Variants in HMGCLL1 observed in about 807,000 individuals in gnomAD.
HMGCLL1 encodes the protein 3-hydroxy-3-methylglutaryl-CoA lyase like 1, also known as 3-hydroxymethyl-3-methylglutaryl-CoA lyase, cytoplasmic.
In HMGCLL1, 36 loss-of-function variants were observed where a neutral mutation model predicts 39.1. That is an observed-to-expected ratio of 0.92 (90% CI 0.71 to 1.22). The LOEUF (loss-of-function observed/expected upper bound fraction) is 1.22. Ranked by LOEUF, HMGCLL1 falls within the 50% of genes most tolerant of loss-of-function variation. HMGCLL1 has a pLI of 0.00. For missense variants in HMGCLL1, 451 were observed against 416.5 expected (o/e 1.08, Z -0.72); for synonymous variants, 149 against 144.0 (o/e 1.03, Z -0.25).
At chr6:55,587,754 C>T in the HMGCLL1 span, among the ~76,000 whole-genome samples, 1 of 152,052 alleles carries the variant, frequency 6.6e-6, no homozygotes, top group African/African-American at 2.4e-5. Flanking sequence ...GGTTGCAATC[C>T]TAGTCTCTGA....
At chr6:55,604,852 A>T in the HMGCLL1 span, among the ~76,000 whole-genome samples, 37 of 152,328 alleles carry the variant, frequency 2.4e-4, 1 homozygote, top group South Asian at 5.6e-3. Context: ...TACAGGGAAT[A>T]TTGTAAGCAT....
chr6:55,527,569 C>T (rs1581901003), intron 3 of HMGCLL1, among the ~76,000 whole-genome samples: 1 of 151,848 alleles, frequency 6.6e-6, no homozygotes. Context: ...AGGGGGCCTC[C>T]TTAAGAAAAA....
the HMGCLL1 span, among the ~76,000 whole-genome samples, chr6:55,666,862 AC>A: frequency 4.0e-5 from 6 of 151,722 alleles, no homozygotes; most frequent in African/African-American, 1.5e-4. Context: ...GGAGGAGAGT[AC>A]CAAAAGACAT....
the HMGCLL1 span, among the ~76,000 whole-genome samples, chr6:55,600,380 G>A: frequency 3.9e-5 from 6 of 152,228 alleles, no homozygotes; most frequent in South Asian, 1.2e-3. Context: ...TATTTTTAAA[G>A]CAGGCAACAT....
chr6:55,620,955 G>A, the HMGCLL1 span, among the ~76,000 whole-genome samples: 2 of 151,920 alleles, frequency 1.3e-5, no homozygotes, highest in Admixed American at 6.6e-5. Context: ...TTATCTCTGT[G>A]TTCCATGTGC....
chr6:55,600,864 A>G, the HMGCLL1 span, among the ~76,000 whole-genome samples: 1 of 152,156 alleles, frequency 6.6e-6, no homozygotes, highest in Non-Finnish European at 1.5e-5. Context: ...GCTATGTTAC[A>G]ATGTAAATGG....
chr6:55,484,483 C>T (rs1765909145), intron 7 of HMGCLL1, among the ~76,000 whole-genome samples: 1 of 151,986 alleles, frequency 6.6e-6, no homozygotes, highest in South Asian at 2.1e-4. Flanking sequence ...ATGCAACTGC[C>T]TACTCAAAAG....
intron 7 of HMGCLL1, among the ~76,000 whole-genome samples, chr6:55,450,773 T>C (rs975377043): frequency 2.0e-5 from 3 of 152,048 alleles, no homozygotes; most frequent in South Asian, 2.1e-4. Context: ...AAAAATCTTA[T>C]AGATTAGGAT....
At chr6:55,495,358 A>T in intron 7 of HMGCLL1, 61 bp downstream of exon 7, 1 of 1,247,136 alleles carries the variant, frequency 8.0e-7, no homozygotes, top group East Asian at 2.5e-5. Context: ...CAGTATGTTT[A>T]TATTACAGAT....
chr6:55,481,769 A>G (rs1032409576), intron 7 of HMGCLL1, among the ~76,000 whole-genome samples: 6 of 151,998 alleles, frequency 3.9e-5, no homozygotes, highest in African/African-American at 1.4e-4. Context: ...ACAATTTTGG[A>G]AAATAAGCAA....
the HMGCLL1 span, among the ~76,000 whole-genome samples, chr6:55,607,595 G>T: frequency 6.6e-6 from 1 of 152,002 alleles, no homozygotes; most frequent in Non-Finnish European, 1.5e-5. Flanking sequence ...GGAAATAAAG[G>T]ACCAGCATCT....
chr6:55,513,835 C>T (rs13206666), intron 5 of HMGCLL1: 349,778 of 517,770 alleles, frequency 0.68, 118,598 homozygotes, highest in Non-Finnish European at 0.7. Context: ...CTGATTTCAA[C>T]TGCATGACAC....
At chr6:55,518,382 G>A (rs1431581832) in intron 3 of HMGCLL1, among the ~76,000 whole-genome samples, 1 of 152,146 alleles carries the variant, frequency 6.6e-6, no homozygotes, top group African/African-American at 2.4e-5. Context: ...GTCCTTCACT[G>A]TGGCATTGTT....
the HMGCLL1 span, among the ~76,000 whole-genome samples, chr6:55,625,408 C>A: frequency 6.6e-6 from 1 of 152,236 alleles, no homozygotes; most frequent in Admixed American, 6.5e-5. Context: ...ATGGTCTCCA[C>A]TTTTGCCACC....
At chr6:55,650,231 T>G in the HMGCLL1 span, among the ~76,000 whole-genome samples, 2 of 149,302 alleles carry the variant, frequency 1.3e-5, no homozygotes, top group Admixed American at 6.7e-5. Flanking sequence ...ATAATGTTGA[T>G]GCTTATAAAT....
At chr6:55,510,955 C>T (rs564407667) in intron 5 of HMGCLL1, among the ~76,000 whole-genome samples, 2 of 151,656 alleles carry the variant, frequency 1.3e-5, no homozygotes, top group East Asian at 3.9e-4. Context: ...AATGTCATTT[C>T]AATAAAGAGA....
At chr6:55,660,998 A>C in the HMGCLL1 span, among the ~76,000 whole-genome samples, 66 of 151,824 alleles carry the variant, frequency 4.3e-4, no homozygotes, top group South Asian at 3.3e-3. Flanking sequence ...TTGCTTGTTG[A>C]CCACATGTAT....
At chr6:55,632,936 C>T in the HMGCLL1 span, among the ~76,000 whole-genome samples, 6 of 152,110 alleles carry the variant, frequency 3.9e-5, no homozygotes, top group Non-Finnish European at 8.8e-5. Context: ...GAGGAAACCA[C>T]ATAAAGCTGC....
intron 3 of HMGCLL1, among the ~76,000 whole-genome samples, chr6:55,533,172 A>G (rs1015017192): frequency 1.8e-4 from 27 of 151,914 alleles, no homozygotes; most frequent in Admixed American, 1.3e-4. Context: ...TAGGATATAA[A>G]TCAAATATAC....
Sources: gnomAD v4.1 joint callset for allele counts (sites outside exome capture counted in the v4.1 genomes callset) on GRCh38, gnomAD v4.1.1 for gene constraint, MANE v1.5 for transcripts, NCBI Gene and HGNC (gene_info 2026-07-23, HGNC 2026-07-21) for gene names.